The following VPS13D variants were observed in gnomAD, a reference collection of about 807,000 sequenced individuals.
The protein encoded by VPS13D is intermembrane lipid transfer protein VPS13D.
Under a neutral mutation model 461.9 loss-of-function variants are expected in VPS13D, and 187 were observed. That is an observed-to-expected ratio of 0.40 (90% CI 0.36 to 0.46). VPS13D has a LOEUF of 0.46. VPS13D is among the 20% of genes least tolerant of loss of function. The pLI is 0.60. For missense variants in VPS13D, 4,711 were observed against 5,364.9 expected (o/e 0.88, Z 3.81); for synonymous variants, 1,951 against 1,986.3 (o/e 0.98, Z 0.47).
At chr1:12,288,896 C>T (rs1194260410) in intron 22 of VPS13D, among the ~76,000 whole-genome samples, 1 of 152,148 alleles carries the variant, frequency 6.6e-6, no homozygotes, top group Non-Finnish European at 1.5e-5. Flanking sequence ...GGCTAGAGTG[C>T]AGTGGTGCAG....
Position 12,257,064 on chromosome 1 carries a change from AC to A in VPS13D, c.921del (p.Lys308ArgfsTer16). The A allele has an allele frequency of 6.2e-7, 1 of 1,614,178 alleles. No homozygotes were observed. The highest frequency in any genetic ancestry group is 1.6e-4 in the Middle Eastern group (1 of 6,062). Reference sequence around the variant, plus strand: ...GGCAGGTGAAGTTCCGAAGGTGGAAACCCAAGGTGGCGATATCTAAGAAGTA... The same window carrying A: ...GGCAGGTGAAGTTCCGAAGGTGGAAACCAAGGTGGCGATATCTAAGAAGTA... Reference protein sequence around the residue: ...ERQVKFRRWKPKVAISKNCRE... With the variant: ...ERQVKFRRWKXKVAISKNCRE... On this transcript the variant is annotated frameshift_variant, in exon 9 of 70. Transcript: ENST00000620676. LOFTEE classifies it high-confidence loss of function.
intron 67 of VPS13D, among the ~76,000 whole-genome samples, chr1:12,466,717 A>C (rs898515261): frequency 6.6e-6 from 1 of 152,190 alleles, no homozygotes; most frequent in Non-Finnish European, 1.5e-5. Context: ...GTTTGACCCT[A>C]AGGCTCTAGT....
intron 67 of VPS13D, among the ~76,000 whole-genome samples, chr1:12,472,246 A>G (rs528533362): frequency 1.6e-4 from 25 of 152,330 alleles, no homozygotes; most frequent in African/African-American, 5.8e-4. Context: ...TAAAAAGCCA[A>G]TTGGGAGCTC....
intron 63 of VPS13D, among the ~76,000 whole-genome samples, chr1:12,411,131 A>G (rs1644721821): frequency 6.6e-6 from 1 of 152,242 alleles, no homozygotes; most frequent in Non-Finnish European, 1.5e-5. Context: ...TCTTTTTGAA[A>G]AAGAAGTAAA....
intron 62 of VPS13D, 58 bp from the exon 63 acceptor site, chr1:12,403,767 T>C: frequency 2.7e-6 from 4 of 1,482,324 alleles, no homozygotes; most frequent in Non-Finnish European, 3.6e-6. Context: ...AAGTGGATTC[T>C]GTGGATCATG....
In VPS13D at chr1:12,279,570, T is replaced by C. The variant is rs150896694; in HGVS notation, c.4522T>C (p.Leu1508=). Reference sequence around the variant, plus strand: ...GATCCCTATAGAGAGAGAATCTGAATTGACTTTTTCTCTTAGCCCAGATGA... The same window carrying C: ...GATCCCTATAGAGAGAGAATCTGAACTGACTTTTTCTCTTAGCCCAGATGA... ...EKIPIERESE[L]TFSLSPDDLG... The change falls in exon 20 of 70, where the codon TTG becomes CTG. Residue 1508 remains leucine (L), a synonymous_variant. Transcript: ENST00000620676. This position sits in a 1 kb window ranked among gnomAD's most constrained non-coding sequence, Gnocchi z 4.3. The C allele has an allele frequency of 1.2e-4, 194 of 1,613,556 alleles. No individual in the cohort carries two copies. The African/African-American group carries it at 2.1e-3, about 18-fold the overall frequency.
intron 67 of VPS13D, among the ~76,000 whole-genome samples, chr1:12,468,641 A>C (rs1645523269): frequency 6.6e-6 from 1 of 152,236 alleles, no homozygotes; most frequent in Non-Finnish European, 1.5e-5. Flanking sequence ...CTCTTTTGCC[A>C]GTCTCCTTCT....
chr1:12,359,780 A>G (rs1361364444), intron 50 of VPS13D, among the ~76,000 whole-genome samples: 1 of 152,250 alleles, frequency 6.6e-6, no homozygotes, highest in African/African-American at 2.4e-5. Context: ...TAAAGTTGAC[A>G]TTAAGATTTT....
chr1:12,386,375 A>C, intron 60 of VPS13D, 41 bp downstream of exon 60: 3 of 1,550,300 alleles, frequency 1.9e-6, no homozygotes, highest in Non-Finnish European at 2.6e-6. Flanking sequence ...CCTTGTTTTC[A>C]TGCTGATCAC....
chr1:12,442,444 CTTATA>C (rs1557441659), intron 65 of VPS13D, among the ~76,000 whole-genome samples: 1 of 152,064 alleles, frequency 6.6e-6, no homozygotes, highest in African/African-American at 2.4e-5. Context: ...ATGAAACAAA[CTTATA>C]TTGTGTGTTT....
chr1:12,383,459 CATA>C lies in VPS13D; in HGVS notation c.11370+308_11370+310del, dbSNP rs1260308850. The stretch of plus-strand genomic sequence containing the variant: ...TAGTGTTGTTAATTATTATTAATAA[CATA>C]ATATCTTAATAACATTAACAACAAG... On this transcript the variant is annotated intron_variant, in intron 58 of 69. Transcript: ENST00000620676. Among the ~76,000 whole-genome samples, 12 of 151,938 alleles carry C rather than the reference CATA, an allele frequency of 7.9e-5. 1 individual carries two copies. Among genetic ancestry groups the C allele is most frequent in the South Asian group, 6.2e-4 (3 of 4,826 alleles).
At chr1:12,360,917 G>T (rs1219923542) in intron 50 of VPS13D, among the ~76,000 whole-genome samples, 1 of 152,156 alleles carries the variant, frequency 6.6e-6, no homozygotes, top group Admixed American at 6.5e-5. Context: ...TATTTTAATG[G>T]TTCTCTTGAT....
intron 65 of VPS13D, among the ~76,000 whole-genome samples, chr1:12,423,643 T>G (rs1431907948): frequency 6.6e-6 from 1 of 152,202 alleles, no homozygotes. Flanking sequence ...AGCAAACCTT[T>G]CACCAGCCCT....
rs767527476 is a variant in VPS13D, at chr1:12,355,983, A to G, written c.9764A>G (p.Tyr3255Cys). The G allele has an allele frequency of 7.4e-6, 12 of 1,614,014 alleles. No individual in the cohort carries two copies. Among genetic ancestry groups the G allele is most frequent in the Non-Finnish European group, 9.3e-6 (11 of 1,179,988 alleles). ...TQNYMVRMRL[Y>C]DVNRRQLNLT... ...AACTATATGGTGAGAATGCGACTCT[A>G]TGACGTCAACCGTCGGCAGCTGAAC... The change falls in exon 48 of 70, where the codon TAT (tyrosine) becomes TGT (cysteine). Residue 3255 changes from tyrosine to cysteine, a missense_variant. Tyr to Cys is a radical substitution (Grantham distance 194). Around this residue, in one of 3 missense-constraint regions of VPS13D, gnomAD observed 4,411 missense variants for 4,937.8 expected, o/e 0.89. Transcript: ENST00000620676.
At chr1:12,351,017 T>C (rs773871911) in intron 46 of VPS13D, among the ~76,000 whole-genome samples, 10 of 152,118 alleles carry the variant, frequency 6.6e-5, no homozygotes, top group Non-Finnish European at 1.3e-4. Context: ...TAACCCAGTA[T>C]CTAAATTAAA....
At position 12,308,439 on chromosome 1, in the gene VPS13D, G is replaced by A. The variant is rs1642631806; in HGVS notation, c.6448G>A (p.Val2150Ile). Reference protein sequence around the residue: ...GQESSSPEDHVCLLDCVVVDL... With the variant: ...GQESSSPEDHICLLDCVVVDL... ...TCCTTGGGTCCTTGTAGAAGACCAT[G>A]TCTGCCTGCTGGATTGCGTTGTCGT... Residue 2150 changes from valine to isoleucine, a missense_variant, in exon 27 of 70, where the codon GTC becomes ATC. Val to Ile is a conservative substitution (Grantham distance 29). Transcript: ENST00000620676. The A allele has an allele frequency of 2.5e-6, 4 of 1,614,022 alleles. No homozygotes were observed. The highest frequency in any genetic ancestry group is 3.4e-6 in the Non-Finnish European group (4 of 1,180,042).
intron 52 of VPS13D, among the ~76,000 whole-genome samples, chr1:12,366,991 G>C (rs941740014): frequency 1.3e-5 from 2 of 152,144 alleles, no homozygotes; most frequent in African/African-American, 4.8e-5. Flanking sequence ...ACCTTGATAT[G>C]TTTTCTAATA....
intron 65 of VPS13D, among the ~76,000 whole-genome samples, chr1:12,428,868 A>G (rs1299897870): frequency 6.6e-6 from 1 of 152,244 alleles, no homozygotes; most frequent in Admixed American, 6.5e-5. Flanking sequence ...GAGGATGTGG[A>G]ACAGGTAAGG....
chr1:12,253,876 G>A (rs1557665790), intron 7 of VPS13D, 50 bp downstream of exon 7: 5 of 1,488,424 alleles, frequency 3.4e-6, no homozygotes, highest in South Asian at 2.3e-5. Flanking sequence ...GAAGGGAAGC[G>A]GCGTAGGGTC....
Sources: gnomAD v4.1 joint callset for allele counts (sites outside exome capture counted in the v4.1 genomes callset) on GRCh38, gnomAD v4.1.1 for gene constraint, gnomAD v4.1.1 regional missense constraint, Gnocchi (gnomAD v3.1) non-coding constraint, MANE v1.5 for transcripts, NCBI Gene and HGNC (gene_info 2026-07-23, HGNC 2026-07-21) for gene names.